CPN1: variants seen among roughly 807,000 people sequenced by gnomAD.
CPN1 encodes the protein carboxypeptidase N subunit 1.
A neutral mutation model predicts 46.4 loss-of-function variants in CPN1; 37 were observed. The ratio of observed to expected loss-of-function variants is 0.80; its 90% CI spans 0.61 to 1.05. The LOEUF (loss-of-function observed/expected upper bound fraction) is 1.05, where lower values mean the gene tolerates loss of function less well. Ranked by LOEUF, CPN1 falls within the 50% of genes least tolerant of loss-of-function variation. CPN1 has a pLI of 0.00. For synonymous variants in CPN1, 224 were observed against 235.4 expected, an observed-to-expected ratio of 0.95 and a Z score of 0.44; for missense variants, 563 against 602.6, an observed-to-expected ratio of 0.93 and a Z score of 0.69.
intron 1 of CPN1, among the ~76,000 whole-genome samples, chr10:100,077,527 G>A (rs1037008995): frequency 5.9e-5 from 9 of 152,128 alleles, no homozygotes; most frequent in Admixed American, 2.0e-4. Context: ...CATTGCACCC[G>A]GCTGGGTTTT....
intron 6 of CPN1, 43 bp downstream of exon 6, chr10:100,056,970 C>T (rs770839021): frequency 5.0e-6 from 8 of 1,613,810 alleles, no homozygotes; most frequent in Non-Finnish European, 6.8e-6. Context: ...TTGAGAAGCA[C>T]TTCTCTTTTT....
In CPN1 at chr10:100,077,692, T is replaced by C. The variant is rs979372656; in HGVS notation, c.224-1585A>G. Among the ~76,000 whole-genome samples, 3 of 152,242 alleles carry C rather than the reference T, an allele frequency of 2.0e-5. No individual in the cohort carries two copies. The East Asian group carries it at 5.8e-4, about 29-fold the overall frequency. The stretch of plus-strand genomic sequence containing the variant: ...CTTATAATCCATAAGGATCATGTGG[T>C]GGATTTTCCATAGCGAGTATTCTTT... On this transcript the variant is annotated intron_variant, in intron 1 of 8. Transcript: ENST00000370418.
At chr10:100,065,142 C>T in intron 4 of CPN1, 46 bp downstream of exon 4, 1 of 1,596,406 alleles carries the variant, frequency 6.3e-7, no homozygotes, top group Non-Finnish European at 8.6e-7. Context: ...AGCTCACCTC[C>T]TGAGCCCCAA....
At chr10:100,070,014 C>T (rs1010802910) in intron 2 of CPN1, 145 bp from the exon 3 acceptor site, 23 of 889,034 alleles carry the variant, frequency 2.6e-5, no homozygotes, top group Non-Finnish European at 7.2e-6. Flanking sequence ...CCTCTACCTA[C>T]TGGGCTCAAG....
In CPN1 at chr10:100,081,383, A is replaced by C; in HGVS notation, c.223+20T>G. 5 of 1,605,970 alleles carry C rather than the reference A, an allele frequency of 3.1e-6. No individual in the cohort carries two copies. Among genetic ancestry groups the C allele is most frequent in the Non-Finnish European group, 4.3e-6 (5 of 1,175,774 alleles). On this transcript the variant is annotated intron_variant, in intron 1 of 8. Transcript: ENST00000370418. ...GAAAGGCCCTGCCCCACACACCCTC[A>C]AGAGCTGTTCAGAACTTACAGGGCT...
Position 100,042,381 on chromosome 10 carries a change from G to C in CPN1, c.*46C>G. 2 of 1,610,340 alleles carry C rather than the reference G, an allele frequency of 1.2e-6. No individual in the cohort carries two copies. Among genetic ancestry groups the C allele is most frequent in the Non-Finnish European group, 1.7e-6 (2 of 1,178,366 alleles). Reference sequence around the variant, plus strand: ...AGAAAGAATGCTTGATCTGATCTGAGAGCAGGAGCAAAGCCTTTCTGAAGG... The same window carrying C: ...AGAAAGAATGCTTGATCTGATCTGACAGCAGGAGCAAAGCCTTTCTGAAGG... On this transcript the variant is annotated 3_prime_UTR_variant, in exon 9 of 9. Transcript: ENST00000370418.
chr10:100,049,145 G>T (rs1199277429), intron 7 of CPN1, among the ~76,000 whole-genome samples: 2 of 151,944 alleles, frequency 1.3e-5, no homozygotes, highest in Non-Finnish European at 2.9e-5. Context: ...TTTTAGTAGA[G>T]ACGGGGTTTC....
At chr10:100,051,613 C>G (rs1394148322) in intron 7 of CPN1, among the ~76,000 whole-genome samples, 2 of 152,030 alleles carry the variant, frequency 1.3e-5, no homozygotes, top group South Asian at 4.2e-4. Flanking sequence ...CTGCAACCTC[C>G]ACCTCCTGGG....
At position 100,049,689 on chromosome 10, in the gene CPN1, G is replaced by A. The variant is rs545228102; in HGVS notation, c.1112-813C>T. On this transcript the variant is annotated intron_variant, in intron 7 of 8. Transcript: ENST00000370418. ...CCCAAAGTGCTGCGATTACAGGCAT[G>A]AGCCACTGCCCCCAGCCTGGCTTTT... 3.9e-5 allele frequency among the ~76,000 whole-genome samples: 6 copies of A among 152,336 alleles called. No homozygotes were observed. In the South Asian group the frequency reaches 1.2e-3, roughly 32 times the overall value.
intron 1 of CPN1, among the ~76,000 whole-genome samples, chr10:100,078,297 C>G (rs1031647741): frequency 2.6e-5 from 4 of 152,202 alleles, no homozygotes; most frequent in Non-Finnish European, 5.9e-5. Context: ...TCAGGCAGTC[C>G]TCCCAAAGTA....
intron 1 of CPN1, among the ~76,000 whole-genome samples, chr10:100,077,917 C>T (rs967733049): frequency 6.6e-6 from 1 of 152,126 alleles, no homozygotes; most frequent in Admixed American, 6.6e-5. Flanking sequence ...ACAACAACAA[C>T]ACTTTTTTTA....
intron 7 of CPN1, among the ~76,000 whole-genome samples, chr10:100,052,297 C>T (rs569325005): frequency 3.9e-5 from 6 of 152,246 alleles, no homozygotes; most frequent in Non-Finnish European, 8.8e-5. Context: ...TTGCGAATTC[C>T]TGAGCTCAGG....
intron 8 of CPN1, among the ~76,000 whole-genome samples, chr10:100,047,751 C>T (rs1461694221): frequency 6.6e-6 from 1 of 151,554 alleles, no homozygotes; most frequent in Non-Finnish European, 1.5e-5. Flanking sequence ...TTTGGGAGGC[C>T]GAGGTGGGCA....
intron 1 of CPN1, among the ~76,000 whole-genome samples, chr10:100,078,265 G>A (rs1235220349): frequency 6.6e-6 from 1 of 152,132 alleles, no homozygotes; most frequent in East Asian, 1.9e-4. Context: ...ATGTTGTCCA[G>A]ACTGGTCTGA....
At chr10:100,069,691 T>C (rs1323625252) in intron 3 of CPN1, 23 bp downstream of exon 3, 2 of 1,613,942 alleles carry the variant, frequency 1.2e-6, no homozygotes, top group South Asian at 1.1e-5. Context: ...TTACCTGCTT[T>C]GTTTGCAAAT....
chr10:100,056,158 G>T (rs1035206674), intron 6 of CPN1, among the ~76,000 whole-genome samples: 2 of 152,160 alleles, frequency 1.3e-5, no homozygotes, highest in Non-Finnish European at 2.9e-5. Flanking sequence ...AAACATTTGT[G>T]AAGTTCTGTT....
Position 100,065,328 on chromosome 10 carries a change from A to AG in CPN1, c.618dup (p.Phe207LeufsTer21), listed in dbSNP as rs1286924884. 6.2e-7 allele frequency: 1 copy of AG among 1,614,186 alleles called. No individual in the cohort carries two copies. Among genetic ancestry groups the AG allele is most frequent in the Non-Finnish European group, 8.5e-7 (1 of 1,180,032 alleles). ...AGATTGGCTGAAAGAACAAAGTTGA[A>AG]GGAGTGCATCCACCGGATCACCGCC... is the stretch of plus-strand genomic sequence containing the variant. On this transcript the variant is annotated frameshift_variant, in exon 4 of 9. Transcript: ENST00000370418. LOFTEE classifies it high-confidence loss of function.
intron 5 of CPN1, among the ~76,000 whole-genome samples, chr10:100,058,272 T>C (rs1262187286): frequency 6.6e-6 from 1 of 152,236 alleles, no homozygotes; most frequent in Non-Finnish European, 1.5e-5. Flanking sequence ...GCACATGACC[T>C]GTTTTTAAAA....
intron 2 of CPN1, among the ~76,000 whole-genome samples, chr10:100,075,448 G>T: frequency 6.6e-6 from 1 of 152,312 alleles, no homozygotes; most frequent in Non-Finnish European, 1.5e-5. Flanking sequence ...CCTACCCCCA[G>T]TTCTGGGGAA....
Sources: gnomAD v4.1 joint callset for allele counts (sites outside exome capture counted in the v4.1 genomes callset) on GRCh38, gnomAD v4.1.1 for gene constraint, MANE v1.5 for transcripts, NCBI Gene and HGNC (gene_info 2026-07-23, HGNC 2026-07-21) for gene names.